Variants in STPG2 observed in about 807,000 individuals in gnomAD.
STPG2 encodes sperm tail PG-rich repeat containing 2.
A neutral mutation model predicts 54.2 loss-of-function variants in STPG2; 56 were observed. The ratio of observed to expected loss-of-function variants is 1.03; its 90% CI spans 0.83 to 1.29. STPG2 has a LOEUF of 1.29. Among genes scored for constraint, STPG2 ranks in the 50% most tolerant of loss-of-function variants. STPG2 has a pLI of 0.00. For missense variants in STPG2, 596 were observed against 544.9 expected (o/e 1.09, Z -0.93); for synonymous variants, 200 against 181.8 (o/e 1.10, Z -0.81).
At chr4:97,737,475 C>A (rs6852505) in intron 9 of STPG2, among the ~76,000 whole-genome samples, 1 of 151,766 alleles carries the variant, frequency 6.6e-6, no homozygotes, top group African/African-American at 2.4e-5. Context: ...AAAATTTAGA[C>A]GAATGTATAA....
Position 97,972,308 on chromosome 4 carries a change from C to G in STPG2, c.905G>C (p.Cys302Ser). ...RTFFSVQKEA[C>S]ATPGPADYQE... ...ATAATCAGCAGGTCCAGGGGTAGCA[C>G]AAGCTTCTTTCTGAACCGAGAAGAA... is the stretch of plus-strand genomic sequence containing the variant. The change falls in exon 7 of 11, where the codon TGT becomes TCT. Residue 302 changes from cysteine to serine, a missense_variant. By Grantham distance (112) the Cys-to-Ser change is moderately radical (BLOSUM62 -1). Transcript: ENST00000295268. The G allele has an allele frequency of 6.2e-7, 1 of 1,603,164 alleles. No individual in the cohort carries two copies. Among genetic ancestry groups the G allele is most frequent in the South Asian group, 1.1e-5 (1 of 88,842 alleles).
At chr4:97,795,564 C>A (rs965790280) in intron 9 of STPG2, among the ~76,000 whole-genome samples, 5 of 152,280 alleles carry the variant, frequency 3.3e-5, no homozygotes, top group Non-Finnish European at 7.3e-5. Context: ...CATGGTGTAT[C>A]TGTGCCACAT....
intron 10 of STPG2, among the ~76,000 whole-genome samples, chr4:97,643,562 C>T (rs956325470): frequency 2.6e-5 from 4 of 151,712 alleles, no homozygotes; most frequent in Non-Finnish European, 4.4e-5. Flanking sequence ...AACTCTTTAG[C>T]TCTGTAAGTT....
Position 97,732,820 on chromosome 4 carries a change from AC to A in STPG2, c.1205-20007del, listed in dbSNP as rs531349825. Among the ~76,000 whole-genome samples, 652 of 152,358 alleles carry A rather than the reference AC, an allele frequency of 4.3e-3. 6 individuals carry two copies. The highest frequency in any genetic ancestry group is 0.015 in the African/African-American group (604 of 41,576). ...ACCAAAGAAGATATAAAAATGGCCA[AC>A]AAACATGAAAAAATGCTAAAACCAC... On this transcript the variant is annotated intron_variant, in intron 9 of 10. Coordinates refer to ENST00000295268, the MANE Select transcript of STPG2 (RefSeq NM_174952.3).
At chr4:97,450,597 C>G (rs1560613466) in intron 4 of STPG2, among the ~76,000 whole-genome samples, 1 of 152,022 alleles carries the variant, frequency 6.6e-6, no homozygotes, top group Non-Finnish European at 1.5e-5. Context: ...AGGGGAGGCA[C>G]TCCAGACTCA....
intron 8 of STPG2, among the ~76,000 whole-genome samples, chr4:97,918,472 C>T (rs76840576): frequency 6.6e-6 from 1 of 151,998 alleles, no homozygotes; most frequent in Admixed American, 6.6e-5. Flanking sequence ...CAAACACACA[C>T]ACATTGGTCA....
intron 8 of STPG2, among the ~76,000 whole-genome samples, chr4:97,852,967 CTTTTTTTTT>C (rs574886386): frequency 1.4e-5 from 1 of 69,630 alleles, no homozygotes; most frequent in Non-Finnish European, 2.5e-5. Context: ...AACATATTTT[CTTTTTTTTT>C]TTTTTTTTTT....
At chr4:97,869,489 T>C (rs1284563068) in intron 8 of STPG2, among the ~76,000 whole-genome samples, 3 of 151,718 alleles carry the variant, frequency 2.0e-5, no homozygotes, top group African/African-American at 7.2e-5. Context: ...TTTTGATACA[T>C]TTAGATTTTT....
intron 2 of STPG2, among the ~76,000 whole-genome samples, chr4:98,131,139 AACT>A (rs1349070771): frequency 2.0e-5 from 3 of 151,866 alleles, no homozygotes; most frequent in African/African-American, 7.3e-5. Context: ...CATTCTTTTT[AACT>A]ACTATTTTTT....
chr4:97,590,858 A>G (rs778671794), intron 10 of STPG2, among the ~76,000 whole-genome samples: 10 of 152,178 alleles, frequency 6.6e-5, no homozygotes, highest in Non-Finnish European at 1.0e-4. Context: ...CAGATTTTGC[A>G]TAAAGAGGGG....
At chr4:98,042,250 A>G (rs1736985046) in intron 5 of STPG2, among the ~76,000 whole-genome samples, 2 of 150,912 alleles carry the variant, frequency 1.3e-5, no homozygotes, top group South Asian at 4.2e-4. Flanking sequence ...TGAGTGGTTT[A>G]TCAATTTTGT....
chr4:97,595,298 T>C (rs1733257132), intron 10 of STPG2, among the ~76,000 whole-genome samples: 2 of 152,156 alleles, frequency 1.3e-5, no homozygotes, highest in Non-Finnish European at 2.9e-5. Context: ...ATGTCCTTTG[T>C]AGGGACATGG....
At chr4:97,996,314 G>T (rs1046008836) in intron 5 of STPG2, among the ~76,000 whole-genome samples, 3 of 152,076 alleles carry the variant, frequency 2.0e-5, no homozygotes, top group African/African-American at 7.2e-5. Flanking sequence ...TTAACCATCT[G>T]ATCTTCAACA....
intron 9 of STPG2, among the ~76,000 whole-genome samples, chr4:97,742,519 CTGTG>C (rs150619013): frequency 0.14 from 17,241 of 124,836 alleles, 1,495 homozygotes; most frequent in Middle Eastern, 0.2. Context: ...AATGAATAAA[CTGTG>C]TGTGTGTGTG....
At chr4:97,464,567 C>G (rs531014822) in intron 4 of STPG2, among the ~76,000 whole-genome samples, 2 of 152,236 alleles carry the variant, frequency 1.3e-5, no homozygotes, top group African/African-American at 4.8e-5. Context: ...CAGGTGCACA[C>G]CACCATGCCC....
At chr4:97,972,555 C>G (rs1734369672) in intron 6 of STPG2, 115 bp from the exon 7 acceptor site, 1 of 602,282 alleles carries the variant, frequency 1.7e-6, no homozygotes, top group Non-Finnish European at 2.6e-6. Flanking sequence ...TCACATATTT[C>G]TGGCATAAAT....
At chr4:98,007,722 T>A (rs1735617482) in intron 5 of STPG2, among the ~76,000 whole-genome samples, 1 of 151,814 alleles carries the variant, frequency 6.6e-6, no homozygotes, top group Non-Finnish European at 1.5e-5. Flanking sequence ...AGAAGATCAA[T>A]TCAGAATATG....
At chr4:97,883,125 A>G (rs1431295352) in intron 8 of STPG2, among the ~76,000 whole-genome samples, 1 of 151,668 alleles carries the variant, frequency 6.6e-6, no homozygotes, top group Non-Finnish European at 1.5e-5. Context: ...TGAGACTAGC[A>G]TGGGCAACAT....
intron 9 of STPG2, among the ~76,000 whole-genome samples, chr4:97,836,124 C>A (rs1215779902): frequency 2.0e-5 from 3 of 151,988 alleles, no homozygotes; most frequent in African/African-American, 7.2e-5. Context: ...GGATTAACCC[C>A]ATTTTTAAAG....
Sources: gnomAD v4.1 joint callset for allele counts (sites outside exome capture counted in the v4.1 genomes callset) on GRCh38, gnomAD v4.1.1 for gene constraint, MANE v1.5 for transcripts, NCBI Gene and HGNC (gene_info 2026-07-23, HGNC 2026-07-21) for gene names.